SLC24A4: variants seen among roughly 807,000 people sequenced by gnomAD.
SLC24A4 encodes sodium/potassium/calcium exchanger 4.
In SLC24A4, 53 loss-of-function variants were observed where a neutral mutation model predicts 79.0. The ratio of observed to expected loss-of-function variants is 0.67; its 90% confidence interval spans 0.54 to 0.84. The LOEUF is 0.84. Among genes scored for constraint, SLC24A4 ranks in the 40% least tolerant of loss-of-function variants. SLC24A4 has a pLI of 0.00. For missense variants in SLC24A4, 731 were observed against 822.0 expected, an observed-to-expected ratio of 0.89 and a Z score of 1.35; for synonymous variants, 323 against 323.8, an observed-to-expected ratio of 1.00 and a Z score of 0.03.
At chr14:92,385,725 A>G (rs1274356329) in intron 2 of SLC24A4, among the ~76,000 whole-genome samples, 1 of 152,086 alleles carries the variant, frequency 6.6e-6, no homozygotes, top group Non-Finnish European at 1.5e-5. Context: ...CGCACCGGCT[A>G]TCTCCCCCAG....
At position 92,395,432 on chromosome 14, in the gene SLC24A4, A is replaced by AACACACACAC. The variant is rs60360408; in HGVS notation, c.242-38455_242-38446dup. The stretch of plus-strand genomic sequence containing the variant: ...GATGATTCAAAACAAAACAAAACAA[A>AACACACACAC]ACACACACACACACACACACACACA... On this transcript the variant is annotated intron_variant, in intron 2 of 16. Transcript: ENST00000532405. Among the ~76,000 whole-genome samples the AACACACACAC allele has an allele frequency of 2.0e-3, 284 of 144,908 alleles. 2 individuals are homozygous for AACACACACAC. The highest frequency in any genetic ancestry group is 5.1e-3 in the African/African-American group (203 of 39,432).
intron 4 of SLC24A4, 105 bp downstream of exon 4, chr14:92,439,514 CAA>C: frequency 1.1e-5 from 11 of 1,023,362 alleles, no homozygotes; most frequent in Non-Finnish European, 1.7e-5. Flanking sequence ...ATGCTGGTGG[CAA>C]AGACTGTCAC....
intron 16 of SLC24A4, among the ~76,000 whole-genome samples, chr14:92,492,611 C>G (rs1895744502): frequency 6.6e-6 from 1 of 152,162 alleles, no homozygotes; most frequent in South Asian, 2.1e-4. Context: ...GGCCTCCCTA[C>G]CCTACATGTC....
chr14:92,358,904 T>G (rs1251267879), intron 2 of SLC24A4, among the ~76,000 whole-genome samples: 1 of 151,946 alleles, frequency 6.6e-6, no homozygotes, highest in East Asian at 1.9e-4. Flanking sequence ...CAGGCTGGTC[T>G]TGAACTCCTG....
intron 10 of SLC24A4, chr14:92,450,828 C>T (rs1291674284): frequency 1.3e-5 from 2 of 152,692 alleles, no homozygotes; most frequent in Non-Finnish European, 2.9e-5. Flanking sequence ...CTGTGCCAAC[C>T]CAGGAGACCT....
intron 10 of SLC24A4, 57 bp downstream of exon 10, chr14:92,449,273 C>G (rs1892996563): frequency 6.7e-6 from 10 of 1,501,786 alleles, no homozygotes; most frequent in Non-Finnish European, 9.1e-6. Context: ...ACTCTCTCCT[C>G]TTTTGTGTAC....
At chr14:92,457,261 G>A (rs925694752) in intron 12 of SLC24A4, 5 of 155,900 alleles carry the variant, frequency 3.2e-5, no homozygotes, top group African/African-American at 9.7e-5. Context: ...CAGCCACAGC[G>A]GCCTCCTCAC....
intron 2 of SLC24A4, among the ~76,000 whole-genome samples, chr14:92,430,592 G>A (rs1891812072): frequency 6.6e-6 from 1 of 152,212 alleles, no homozygotes; most frequent in Non-Finnish European, 1.5e-5. Context: ...ACGGGAGGGA[G>A]GCAGATGCCT....
At chr14:92,354,979 C>A (rs1055704551) in intron 2 of SLC24A4, among the ~76,000 whole-genome samples, 1 of 152,146 alleles carries the variant, frequency 6.6e-6, no homozygotes, top group African/African-American at 2.4e-5. Context: ...GAGGCTGAGG[C>A]AGGAGAATCG....
chr14:92,441,949 A>G lies in SLC24A4; in HGVS notation c.394-140A>G, dbSNP rs780498399. 6.5e-6 allele frequency: 4 copies of G among 611,546 alleles called. No homozygotes were observed. The highest frequency in any genetic ancestry group is 1.2e-5 in the Non-Finnish European group (4 of 340,752). The allele number at this position is 611,546 out of a possible 1,614,324, so 37.9% of individuals were successfully genotyped here. A position where few individuals can be genotyped will look rare whatever the true frequency, so the allele number is the denominator to read the frequency against. The stretch of plus-strand genomic sequence containing the variant: ...GGCAGAGGGCACACAGCATGTGCCC[A>G]GGGGTGAGAGGCTGCAGGCAGACGA... On this transcript the variant is annotated intron_variant, in intron 4 of 16. Coordinates refer to ENST00000532405, the MANE Select transcript of SLC24A4 (RefSeq NM_153646.4). The surrounding 1 kb of genome is among the most constrained non-coding windows in gnomAD (Gnocchi z 4.6).
intron 2 of SLC24A4, among the ~76,000 whole-genome samples, chr14:92,328,802 G>A (rs1348271213): frequency 3.3e-5 from 5 of 152,254 alleles, no homozygotes; most frequent in Non-Finnish European, 7.3e-5. Flanking sequence ...GCCCAGGACT[G>A]GCTTAGACCT....
At chr14:92,350,608 G>A (rs557169844) in intron 2 of SLC24A4, among the ~76,000 whole-genome samples, 6 of 152,204 alleles carry the variant, frequency 3.9e-5, no homozygotes, top group South Asian at 2.1e-4. Flanking sequence ...CATCTCAAAC[G>A]CCATTGATTT....
At chr14:92,428,126 C>G (rs1891668944) in intron 2 of SLC24A4, among the ~76,000 whole-genome samples, 1 of 152,178 alleles carries the variant, frequency 6.6e-6, no homozygotes, top group Non-Finnish European at 1.5e-5. Context: ...TGAACTGAGA[C>G]AAGTGGGAAA....
intron 12 of SLC24A4, among the ~76,000 whole-genome samples, chr14:92,472,369 A>G (rs1488624880): frequency 2.6e-5 from 4 of 152,110 alleles, no homozygotes; most frequent in African/African-American, 9.7e-5. Flanking sequence ...TACATACTGA[A>G]CCCAATTTGT....
At chr14:92,409,338 A>G (rs1890576540) in intron 2 of SLC24A4, among the ~76,000 whole-genome samples, 1 of 152,250 alleles carries the variant, frequency 6.6e-6, no homozygotes, top group Non-Finnish European at 1.5e-5. Flanking sequence ...AAAGCTGAGC[A>G]AAGCTGGAGG....
Position 92,395,300 on chromosome 14 carries a change from C to T in SLC24A4, c.242-38612C>T, listed in dbSNP as rs111546673. ...GTGTGGAAGCCAAGCTCCCTAGCCC[C>T]GTTGCCTGGAGCACTGCAGTGTTAC... is the stretch of plus-strand genomic sequence containing the variant. On this transcript the variant is annotated intron_variant, in intron 2 of 16. Transcript: ENST00000532405. Among the ~76,000 whole-genome samples, 162 of 152,204 alleles carry T rather than the reference C, an allele frequency of 1.1e-3. 1 individual carries two copies. The highest frequency in any genetic ancestry group is 3.8e-3 in the African/African-American group (156 of 41,526).
chr14:92,483,600 A>G (rs78910036), intron 13 of SLC24A4: 13,542 of 511,266 alleles, frequency 0.026, 683 homozygotes, highest in East Asian at 0.19. Flanking sequence ...TCCTATGGCC[A>G]TACAGGACAA....
At position 92,473,038 on chromosome 14, in the gene SLC24A4, G is replaced by A. The variant is rs148145273; in HGVS notation, c.1256-9642G>A. Among the ~76,000 whole-genome samples, 12 of 152,256 alleles carry A rather than the reference G, an allele frequency of 7.9e-5. No homozygotes were observed. The East Asian group carries it at 1.9e-3, about 24-fold the overall frequency. Reference sequence around the variant, plus strand: ...CACCAGCACTGGTGCTTCCTCATGTGGCCCCATGCGGCACACCCTGCCTCC... The same window carrying A: ...CACCAGCACTGGTGCTTCCTCATGTAGCCCCATGCGGCACACCCTGCCTCC... On this transcript the variant is annotated intron_variant, in intron 12 of 16. Coordinates refer to ENST00000532405, the MANE Select transcript of SLC24A4 (RefSeq NM_153646.4).
chr14:92,466,195 C>T (rs1233044314), intron 12 of SLC24A4, among the ~76,000 whole-genome samples: 3 of 152,154 alleles, frequency 2.0e-5, no homozygotes, highest in South Asian at 4.1e-4. Context: ...GTAAAACAAC[C>T]CAACCCAGTG....
Sources: gnomAD v4.1 joint callset for allele counts (sites outside exome capture counted in the v4.1 genomes callset) on GRCh38, gnomAD v4.1.1 for gene constraint, Gnocchi (gnomAD v3.1) non-coding constraint, MANE v1.5 for transcripts, NCBI Gene and HGNC (gene_info 2026-07-23, HGNC 2026-07-21) for gene names.